Variants in IGSF9B observed in about 807,000 individuals in gnomAD.
IGSF9B encodes the protein immunoglobulin superfamily member 9B.
IGSF9B carries 48 observed loss-of-function variants against 143.7 expected under a neutral mutation model. The observed-to-expected ratio is 0.33, with a 90% CI of 0.26 to 0.42. The LOEUF (loss-of-function observed/expected upper bound fraction) is 0.42. Among genes scored for constraint, IGSF9B ranks in the 20% least tolerant of loss-of-function variants. The probability of loss-of-function intolerance (pLI) is 1.00; values close to 1 mark genes in which losing one functional copy is unlikely to be tolerated. For synonymous variants in IGSF9B, 903 were observed against 833.1 expected (o/e 1.08, Z -1.44); for missense variants, 1,706 against 1,980.0 (o/e 0.86, Z 2.63).
chr11:133,935,894 C>T (rs1381829858), intron 6 of IGSF9B, 132 bp from the exon 7 acceptor site: 4 of 1,388,406 alleles, frequency 2.9e-6, no homozygotes, highest in Non-Finnish European at 3.9e-6. Flanking sequence ...CCCCTCCATG[C>T]AGACCCTGGC....
chr11:133,942,716 C>T (rs990438846), intron 3 of IGSF9B, among the ~76,000 whole-genome samples: 8 of 152,190 alleles, frequency 5.3e-5, no homozygotes, highest in Admixed American at 5.2e-4. Context: ...ATTTGCCTTC[C>T]TAATTACACT....
chr11:133,920,440 C>T lies in IGSF9B; in HGVS notation c.3285G>A (p.Leu1095=). ...CCCAACCCTTCGGTGCCTCCAGAGA[C>T]AGGATGCCCGGGTAGGCCGCGGGCA... ...LQVPAAYPGI[L]SLEAPKGWAG... The change falls in exon 18 of 20, where the codon CTG becomes CTA. Residue 1095 remains leucine (L), a synonymous_variant. Coordinates refer to ENST00000533871, the MANE Select transcript of IGSF9B (RefSeq NM_001277285.4). The T allele has an allele frequency of 1.3e-6, 2 of 1,574,888 alleles. No homozygotes were observed. Among genetic ancestry groups the T allele is most frequent in the Non-Finnish European group, 1.7e-6 (2 of 1,161,960 alleles).
chr11:133,956,955 G>C lies in IGSF9B; in HGVS notation c.-201C>G, dbSNP rs978786960. On this transcript the variant is annotated 5_prime_UTR_variant, in exon 1 of 20. Transcript: ENST00000533871. Reference sequence around the variant, plus strand: ...CGCGCGCCTCCCCGGCCCCGGCGCAGCGGCACCTGCACTACTCGCCCGGGC... The same window carrying C: ...CGCGCGCCTCCCCGGCCCCGGCGCACCGGCACCTGCACTACTCGCCCGGGC... The C allele has an allele frequency of 8.0e-6, 3 of 377,326 alleles. No individual in the cohort carries two copies. Among genetic ancestry groups the C allele is most frequent in the Non-Finnish European group, 4.7e-6 (1 of 211,350 alleles). 23.4% of individuals were successfully genotyped at this position (377,326 alleles called of 1,614,324 possible).
chr11:133,907,847 A>C lies in IGSF9B; in HGVS notation c.*1222T>G, dbSNP rs1224613015. Among the ~76,000 whole-genome samples, 1 of 152,234 alleles carries C rather than the reference A, an allele frequency of 6.6e-6. No individual in the cohort carries two copies. Among genetic ancestry groups the C allele is most frequent in the Non-Finnish European group, 1.5e-5 (1 of 68,018 alleles). On this transcript the variant is annotated 3_prime_UTR_variant, in exon 20 of 20. Transcript: ENST00000533871. ...GCTTCACCTGAGCTCATCCCCCTGC[A>C]GCTCAGGTCCACCGGAGGACGAAGG...
Position 133,945,467 on chromosome 11 carries a change from C to T in IGSF9B, c.262+594G>A, listed in dbSNP as rs1472671657. On this transcript the variant is annotated intron_variant, in intron 2 of 19. Transcript: ENST00000533871. The surrounding 1 kb of genome is among the most constrained non-coding windows in gnomAD (Gnocchi z 4.6). The stretch of plus-strand genomic sequence containing the variant: ...CAACGCTCGCTCAATGACACGCACA[C>T]GCACGCACACACACACCCACGCCCT... Among the ~76,000 whole-genome samples, 5 of 152,166 alleles carry T rather than the reference C, an allele frequency of 3.3e-5. No homozygotes were observed. Among genetic ancestry groups the T allele is most frequent in the East Asian group, 1.9e-4 (1 of 5,176 alleles).
At chr11:133,954,759 CA>C (rs1940219841) in intron 1 of IGSF9B, among the ~76,000 whole-genome samples, 1 of 152,160 alleles carries the variant, frequency 6.6e-6, no homozygotes, top group Non-Finnish European at 1.5e-5. Context: ...TTAACTACCA[CA>C]CACAGAGCAA....
intron 1 of IGSF9B, among the ~76,000 whole-genome samples, chr11:133,950,784 CT>C (rs1383712969): frequency 6.6e-6 from 1 of 152,174 alleles, no homozygotes; most frequent in African/African-American, 2.4e-5. Context: ...AGACCCCTAG[CT>C]GGGTCTGGCT....
Position 133,907,039 on chromosome 11 carries a change from G to A in IGSF9B, c.*2030C>T, listed in dbSNP as rs1005536299. On this transcript the variant is annotated 3_prime_UTR_variant, in exon 20 of 20. Transcript: ENST00000533871. ...CATCTCGCAGAGCTGGTGCCCAGTG[G>A]TCAAGTGGATTCCAACGCCCCAGAG... is the stretch of plus-strand genomic sequence containing the variant. Among the ~76,000 whole-genome samples, 7 of 152,140 alleles carry A rather than the reference G, an allele frequency of 4.6e-5. No homozygotes were observed. Among genetic ancestry groups the A allele is most frequent in the African/African-American group, 1.7e-4 (7 of 41,430 alleles).
chr11:133,954,361 G>A (rs994139525), intron 1 of IGSF9B, among the ~76,000 whole-genome samples: 1 of 152,098 alleles, frequency 6.6e-6, no homozygotes, highest in Non-Finnish European at 1.5e-5. Context: ...GGATGCCAGG[G>A]ACAAGAGGTT....
At position 133,919,799 on chromosome 11, in the gene IGSF9B, C is replaced by T. The variant is rs1939477387; in HGVS notation, c.3926G>A (p.Arg1309Lys). Residue 1309 changes from arginine to lysine, a missense_variant, in exon 18 of 20, where the codon AGG becomes AAG. Coordinates refer to ENST00000533871, the MANE Select transcript of IGSF9B (RefSeq NM_001277285.4). ...DVFGQTPSPRRTGEELLRPET... is the reference protein window; with the variant it reads ...DVFGQTPSPRKTGEELLRPET... ...CGGTCGGAGCAATTCCTCCCCCGTC[C>T]TTCGAGGGGAAGGCGTCTGTCCAAA... The T allele has an allele frequency of 4.6e-6, 7 of 1,508,422 alleles. No individual in the cohort carries two copies. The South Asian group carries it at 6.7e-5, about 15-fold the overall frequency. The allele number at this position is 1,508,422 out of a possible 1,614,324, so 93.4% of individuals were successfully genotyped here. A position where few individuals can be genotyped will look rare whatever the true frequency, so the allele number is the denominator to read the frequency against.
In IGSF9B at chr11:133,920,569, G is replaced by C. The variant is rs1939508220; in HGVS notation, c.3156C>G (p.Thr1052=). ...RPEFPFGGLE[T]PAMMFPHQLP... ...GCTGGTGGGGGAACATCATCGCTGG[G>C]GTCTCCAGCCCCCCGAAGGGGAATT... The change falls in exon 18 of 20, where the codon ACC becomes ACG. Residue 1052 remains threonine (T), a synonymous_variant. Transcript: ENST00000533871. The C allele has an allele frequency of 6.2e-7, 1 of 1,613,238 alleles. No individual in the cohort carries two copies. The highest frequency in any genetic ancestry group is 8.5e-7 in the Non-Finnish European group (1 of 1,179,622).
At position 133,899,590 on chromosome 11, in the gene IGSF9B, C is replaced by G. The variant is rs1939083899; in HGVS notation, c.*9479G>C. 6.6e-6 allele frequency: 1 copy of G among 152,346 alleles called. No individual in the cohort carries two copies. Among genetic ancestry groups the G allele is most frequent in the Non-Finnish European group, 1.5e-5 (1 of 68,126 alleles). The allele number at this position is 152,346 out of a possible 1,614,324, so 9.4% of individuals were successfully genotyped here. ...CCAGTGGCTCTCCCAGACCTTGATG[C>G]TGCTGAGGACCTAATCTTGGGCTGG... On this transcript the variant is annotated 3_prime_UTR_variant, in exon 20 of 20. Transcript: ENST00000533871.
rs1271606447 is a variant in IGSF9B at position 133,928,487 on chromosome 11, C to T, written c.1631+1184G>A. ...GCTGAGAAGTGGATAAAGGGGTCTC[C>T]CTGAACCCCCTGAGCTGCCCCAGGT... is the stretch of plus-strand genomic sequence containing the variant. On this transcript the variant is annotated intron_variant, in intron 12 of 19. Coordinates refer to ENST00000533871, the MANE Select transcript of IGSF9B (RefSeq NM_001277285.4). This position sits in a 1 kb window ranked among gnomAD's most constrained non-coding sequence, Gnocchi z 4.7. Among the ~76,000 whole-genome samples, 3 of 152,154 alleles carry T rather than the reference C, an allele frequency of 2.0e-5. No individual in the cohort carries two copies. The highest frequency in any genetic ancestry group is 6.5e-5 in the Admixed American group (1 of 15,282).
At chr11:133,926,075 G>C (rs1939620526) in intron 13 of IGSF9B, 110 bp from the exon 14 acceptor site, 1 of 758,344 alleles carries the variant, frequency 1.3e-6, no homozygotes, top group Non-Finnish European at 2.2e-6. Flanking sequence ...AGCAGAGTCA[G>C]GGCCCGGGGC....
Position 133,906,052 on chromosome 11 carries a change from T to A in IGSF9B, c.*3017A>T, listed in dbSNP as rs1939206633. Among the ~76,000 whole-genome samples, 1 of 152,002 alleles carries A rather than the reference T, an allele frequency of 6.6e-6. No individual in the cohort carries two copies. The highest frequency in any genetic ancestry group is 6.6e-5 in the Admixed American group (1 of 15,264). Reference sequence around the variant, plus strand: ...TGAGACACAGAAGCAGGTTTACATCTGAGTCGTGTCTACTGCAAGGCCGCC... The same window carrying A: ...TGAGACACAGAAGCAGGTTTACATCAGAGTCGTGTCTACTGCAAGGCCGCC... On this transcript the variant is annotated 3_prime_UTR_variant, in exon 20 of 20. Transcript: ENST00000533871.
rs375035517 is a variant in IGSF9B, at chr11:133,940,346, C to T, written c.410-2385G>A. ...AACATACACCTCGCACGTCCTCGCACGCGTCATCGCACGCACACACACCTC... is the reference window on the plus strand; with the variant it reads ...AACATACACCTCGCACGTCCTCGCATGCGTCATCGCACGCACACACACCTC... On this transcript the variant is annotated intron_variant, in intron 3 of 19. Transcript: ENST00000533871. 3.9e-4 allele frequency among the ~76,000 whole-genome samples: 55 copies of T among 141,050 alleles called. No homozygotes were observed. In the East Asian group the frequency reaches 0.01, roughly 26 times the overall value. 92.5% of individuals were successfully genotyped at this position (141,050 alleles called of 152,430 possible).
Position 133,945,034 on chromosome 11 carries a change from T to C in IGSF9B, c.263-668A>G, listed in dbSNP as rs1267194304. ...GGGTTGGCCATCAGAGCAAACATCC[T>C]GGAGGCACCCTTCCTCAGCTCTAAT... On this transcript the variant is annotated intron_variant, in intron 2 of 19. Transcript: ENST00000533871. This position sits in a 1 kb window ranked among gnomAD's most constrained non-coding sequence, Gnocchi z 4.6. Among the ~76,000 whole-genome samples the C allele has an allele frequency of 6.6e-6, 1 of 152,010 alleles. No individual in the cohort carries two copies. Among genetic ancestry groups the C allele is most frequent in the African/African-American group, 2.4e-5 (1 of 41,392 alleles).
At chr11:133,919,324 G>A (rs1759549265) in intron 18 of IGSF9B, among the ~76,000 whole-genome samples, 1 of 152,154 alleles carries the variant, frequency 6.6e-6, no homozygotes, top group African/African-American at 2.4e-5. Flanking sequence ...CAGGGGCCGG[G>A]GAAGAAAAGG....
At chr11:133,933,842 A>G (rs1255969043) in intron 7 of IGSF9B, among the ~76,000 whole-genome samples, 1 of 152,114 alleles carries the variant, frequency 6.6e-6, no homozygotes, top group Non-Finnish European at 1.5e-5. Flanking sequence ...TACGGAGGAG[A>G]AGGATCCAGA....
Sources: gnomAD v4.1 joint callset for allele counts (sites outside exome capture counted in the v4.1 genomes callset) on GRCh38, gnomAD v4.1.1 for gene constraint, Gnocchi (gnomAD v3.1) non-coding constraint, MANE v1.5 for transcripts, NCBI Gene and HGNC (gene_info 2026-07-23, HGNC 2026-07-21) for gene names.